KCTD1: variants seen among roughly 807,000 people sequenced by gnomAD.
KCTD1 encodes the protein BTB/POZ domain-containing protein KCTD1.
KCTD1 carries 24 observed loss-of-function variants against 66.0 expected under a neutral mutation model. The ratio of observed to expected loss-of-function variants is 0.36; its 90% confidence interval spans 0.26 to 0.51. The LOEUF is 0.51. KCTD1 is among the 20% of genes least tolerant of loss of function. KCTD1 has a pLI of 0.95. For missense variants in KCTD1, 943 were observed against 1,205.2 expected, an observed-to-expected ratio of 0.78 and a Z score of 3.22; for synonymous variants, 511 against 517.2, an observed-to-expected ratio of 0.99 and a Z score of 0.16.
intron 1 of KCTD1, among the ~76,000 whole-genome samples, chr18:26,652,094 G>A (rs536001386): frequency 2.0e-5 from 3 of 152,174 alleles, no homozygotes; most frequent in African/African-American, 7.2e-5. Context: ...GATATGGACC[G>A]AGGGACTGAG....
At chr18:26,556,866 C>A (rs1467189814) in intron 1 of KCTD1, among the ~76,000 whole-genome samples, 1 of 152,172 alleles carries the variant, frequency 6.6e-6, no homozygotes, top group East Asian at 1.9e-4. Flanking sequence ...CTAGAGAAAA[C>A]CACCCAAATA....
At position 26,501,207 on chromosome 18, in the gene KCTD1, G is replaced by T; in HGVS notation, c.1853C>A (p.Pro618His). The change falls in exon 2 of 5, where the codon CCT (proline) becomes CAT (histidine). Residue 618 changes from proline to histidine, a missense_variant. Pro to His is a moderately conservative substitution (Grantham distance 77). This residue lies in a region of KCTD1 where 41 missense variants were observed against 103.8 expected (regional missense o/e 0.39). Transcript: ENST00000580059. Reference sequence around the variant, plus strand: ...GCCTTGGTTGTTCAGTGGAGATGCAGGGGATCTAGTGATCAGAGGTCTTGA... The same window carrying T: ...GCCTTGGTTGTTCAGTGGAGATGCATGGGATCTAGTGATCAGAGGTCTTGA... ...NMSRPLITRS[P>H]ASPLNNQGIP... 6.2e-7 allele frequency: 1 copy of T among 1,614,156 alleles called. No homozygotes were observed. The highest frequency in any genetic ancestry group is 1.6e-4 in the Middle Eastern group (1 of 6,062).
chr18:26,634,499 T>C (rs574473117), intron 1 of KCTD1, among the ~76,000 whole-genome samples: 1 of 152,248 alleles, frequency 6.6e-6, no homozygotes, highest in South Asian at 2.1e-4. Context: ...TAGCATGAGT[T>C]ACACGGGGAG....
chr18:26,555,647 T>G (rs1452761101), intron 1 of KCTD1, among the ~76,000 whole-genome samples: 1 of 152,262 alleles, frequency 6.6e-6, no homozygotes, highest in African/African-American at 2.4e-5. Context: ...TGTCACAAAC[T>G]ATGCTGTAGA....
At chr18:26,553,232 C>T (rs72887333), upstream of KCTD1, among the ~76,000 whole-genome samples, 38,020 of 151,992 alleles carry the variant, frequency 0.25, 5,580 homozygotes, top group East Asian at 0.49. Flanking sequence ...TCAAGTGAGC[C>T]ACCACTCCTG....
chr18:26,656,276 C>G (rs573034704), intron 1 of KCTD1, among the ~76,000 whole-genome samples: 1 of 152,196 alleles, frequency 6.6e-6, no homozygotes, highest in South Asian at 2.1e-4. Flanking sequence ...AAAGCCACAG[C>G]CATTACCTGC....
chr18:26,540,342 G>A lies in KCTD1; in HGVS notation c.1809+6386C>T, dbSNP rs529371167. ...CTGTCTTAAATCTGCCAGCCTCTTC[G>A]GGCAGCACGTTTTACCCCCCTTCCT... On this transcript the variant is annotated intron_variant, in intron 1 of 4. Transcript: ENST00000580059. Among the ~76,000 whole-genome samples the A allele has an allele frequency of 5.9e-5, 9 of 152,248 alleles. No individual in the cohort carries two copies. In the East Asian group the frequency reaches 7.7e-4, roughly 13 times the overall value.
intron 1 of KCTD1, among the ~76,000 whole-genome samples, chr18:26,557,012 G>C (rs1232715851): frequency 6.6e-6 from 1 of 152,176 alleles, no homozygotes; most frequent in Non-Finnish European, 1.5e-5. Flanking sequence ...CCTGCTAAGA[G>C]ACAGGAAGGA....
chr18:26,555,984 G>T (rs1985698096), intron 1 of KCTD1, among the ~76,000 whole-genome samples: 1 of 151,990 alleles, frequency 6.6e-6, no homozygotes, highest in Admixed American at 6.6e-5. Flanking sequence ...ATGTGTGGAG[G>T]AGTGGGTATG....
intron 1 of KCTD1, among the ~76,000 whole-genome samples, chr18:26,590,837 C>T (rs575935575): frequency 7.9e-5 from 12 of 152,214 alleles, no homozygotes; most frequent in African/African-American, 2.4e-4. Context: ...CTAGGTCCTA[C>T]ATGGTATCTC....
intron 3 of KCTD1, among the ~76,000 whole-genome samples, chr18:26,470,005 T>TA (rs1980966510): frequency 6.6e-6 from 1 of 152,134 alleles, no homozygotes; most frequent in East Asian, 1.9e-4. Flanking sequence ...TGAAGATATA[T>TA]ACACAAAATA....
chr18:26,522,130 T>C (rs1166879069), intron 1 of KCTD1, among the ~76,000 whole-genome samples: 1 of 152,208 alleles, frequency 6.6e-6, no homozygotes, highest in Admixed American at 6.5e-5. Flanking sequence ...AACACTCATA[T>C]GTTGAAGTTC....
At chr18:26,600,501 C>T (rs956605645) in intron 1 of KCTD1, among the ~76,000 whole-genome samples, 1 of 151,598 alleles carries the variant, frequency 6.6e-6, no homozygotes, top group East Asian at 1.9e-4. Context: ...GGGGGGGGTG[C>T]AGTGGTGTGT....
At chr18:26,603,229 A>G (rs1475863359) in intron 1 of KCTD1, among the ~76,000 whole-genome samples, 3 of 152,050 alleles carry the variant, frequency 2.0e-5, no homozygotes, top group Non-Finnish European at 4.4e-5. Context: ...CAGGAGTTTG[A>G]GATCAGCCTG....
chr18:26,517,245 T>G (rs1983696294), intron 1 of KCTD1, among the ~76,000 whole-genome samples: 3 of 152,072 alleles, frequency 2.0e-5, no homozygotes, highest in Non-Finnish European at 4.4e-5. Context: ...GCTCCCATAA[T>G]CCCCATGTGT....
At chr18:26,628,775 G>A (rs1019460201) in intron 1 of KCTD1, among the ~76,000 whole-genome samples, 3 of 152,180 alleles carry the variant, frequency 2.0e-5, no homozygotes, top group African/African-American at 4.8e-5. Flanking sequence ...GGAGTTATAA[G>A]AGCCTGAAGA....
intron 2 of KCTD1, among the ~76,000 whole-genome samples, chr18:26,484,710 C>T (rs1386123558): frequency 1.3e-5 from 2 of 152,122 alleles, no homozygotes; most frequent in Non-Finnish European, 2.9e-5. Context: ...GGGCCTTAAA[C>T]TGGGCATGAT....
chr18:26,464,577 G>C (rs1361191586), intron 3 of KCTD1, among the ~76,000 whole-genome samples: 1 of 152,210 alleles, frequency 6.6e-6, no homozygotes, highest in African/African-American at 2.4e-5. Context: ...TGTACCTGAG[G>C]CTTTACCCAG....
rs141704152 is a variant in KCTD1 at position 26,466,727 on chromosome 18, A to C, written c.2134-6802T>G. Among the ~76,000 whole-genome samples the C allele has an allele frequency of 5.3e-5, 8 of 152,336 alleles. No individual in the cohort carries two copies. The East Asian group carries it at 1.2e-3, about 22-fold the overall frequency. On this transcript the variant is annotated intron_variant, in intron 3 of 4. Transcript: ENST00000580059. ...TCCTAGCATCATTAATGGTGGCTCAACCACATGCCTTTGCTACTGTGAGGT... is the reference window on the plus strand; with the variant it reads ...TCCTAGCATCATTAATGGTGGCTCACCCACATGCCTTTGCTACTGTGAGGT...
Sources: gnomAD v4.1 joint callset for allele counts (sites outside exome capture counted in the v4.1 genomes callset) on GRCh38, gnomAD v4.1.1 for gene constraint, gnomAD v4.1.1 regional missense constraint, MANE v1.5 for transcripts, NCBI Gene and HGNC (gene_info 2026-07-23, HGNC 2026-07-21) for gene names.